PDE3A: variants seen among roughly 807,000 people sequenced by gnomAD.
The protein encoded by PDE3A is cGMP-inhibited 3',5'-cyclic phosphodiesterase 3A.
In PDE3A, 43 loss-of-function variants were observed where a neutral mutation model predicts 98.3. The ratio of observed to expected loss-of-function variants is 0.44; its 90% CI spans 0.34 to 0.56. The LOEUF (loss-of-function observed/expected upper bound fraction) is 0.56, where lower values mean the gene tolerates loss of function less well. Among genes scored for constraint, PDE3A ranks in the 20% least tolerant of loss-of-function variants. PDE3A has a pLI of 0.01. For synonymous variants in PDE3A, 663 were observed against 567.9 expected, an observed-to-expected ratio of 1.17 and a Z score of -2.38; for missense variants, 1,427 against 1,440.7, an observed-to-expected ratio of 0.99 and a Z score of 0.15.
intron 2 of PDE3A, among the ~76,000 whole-genome samples, chr12:20,576,944 T>G (rs1260876211): frequency 2.6e-5 from 4 of 151,248 alleles, no homozygotes; most frequent in Non-Finnish European, 5.9e-5. Context: ...TTTTTTAAAC[T>G]AAACCAGGTG....
At chr12:20,528,076 A>G (rs1436902418) in intron 1 of PDE3A, among the ~76,000 whole-genome samples, 10 of 152,122 alleles carry the variant, frequency 6.6e-5, no homozygotes, top group African/African-American at 2.4e-4. Context: ...AGGATGATTA[A>G]AGGGTACATA....
At position 20,683,119 on chromosome 12, in the gene PDE3A, A is replaced by G. The variant is rs1945839794; in HGVS notation, c.*2848A>G. On this transcript the variant is annotated 3_prime_UTR_variant, in exon 16 of 16. Transcript: ENST00000359062. Reference sequence around the variant, plus strand: ...TTTTCTTTAAAAATAAATTGCTATTACAGCTAGACGTCAATTGGGATAAAT... The same window carrying G: ...TTTTCTTTAAAAATAAATTGCTATTGCAGCTAGACGTCAATTGGGATAAAT... 1 of 152,216 alleles carries G rather than the reference A, an allele frequency of 6.6e-6. No homozygotes were observed. Among genetic ancestry groups the G allele is most frequent in the Admixed American group, 6.5e-5 (1 of 15,282 alleles). 9.4% of individuals were successfully genotyped at this position (152,216 alleles called of 1,614,324 possible).
chr12:20,463,855 C>T (rs955382630), intron 1 of PDE3A, among the ~76,000 whole-genome samples: 5 of 152,020 alleles, frequency 3.3e-5, no homozygotes. Context: ...TGTTTTGTGT[C>T]TGTGTGTTTG....
chr12:20,567,112 T>C (rs1260550034), intron 2 of PDE3A, among the ~76,000 whole-genome samples: 1 of 152,016 alleles, frequency 6.6e-6, no homozygotes, highest in Non-Finnish European at 1.5e-5. Flanking sequence ...AATAGTGAAT[T>C]TGCAGCAGCC....
rs1181084673 is a variant in PDE3A at position 20,681,393 on chromosome 12, T to C, written c.*1122T>C. 2.0e-5 allele frequency: 3 copies of C among 152,200 alleles called. No individual in the cohort carries two copies. The highest frequency in any genetic ancestry group is 4.4e-5 in the Non-Finnish European group (3 of 68,034). The allele number at this position is 152,200 out of a possible 1,614,324, so 9.4% of individuals were successfully genotyped here. A position where few individuals can be genotyped will look rare whatever the true frequency, so the allele number is the denominator to read the frequency against. On this transcript the variant is annotated 3_prime_UTR_variant, in exon 16 of 16. Transcript: ENST00000359062. Reference sequence around the variant, plus strand: ...CTTGGGAAATTGTACTTCAGCGTGATAGCCTGTGTCTTCTTAATTTGCTGC... The same window carrying C: ...CTTGGGAAATTGTACTTCAGCGTGACAGCCTGTGTCTTCTTAATTTGCTGC...
intron 2 of PDE3A, among the ~76,000 whole-genome samples, chr12:20,606,130 T>C (rs1018537294): frequency 6.6e-6 from 1 of 152,208 alleles, no homozygotes; most frequent in Non-Finnish European, 1.5e-5. Context: ...ATGTTGACCC[T>C]ACCATTTCTC....
intron 1 of PDE3A, among the ~76,000 whole-genome samples, chr12:20,530,620 A>C (rs1166647580): frequency 6.6e-6 from 1 of 151,978 alleles, no homozygotes; most frequent in Non-Finnish European, 1.5e-5. Context: ...GGTGTATGCC[A>C]TCACGCCTAG....
At chr12:20,505,476 T>C (rs1441574135) in intron 1 of PDE3A, among the ~76,000 whole-genome samples, 1 of 152,104 alleles carries the variant, frequency 6.6e-6, no homozygotes, top group Admixed American at 6.6e-5. Context: ...TTTTAGGTCC[T>C]CTCAAGGGGG....
chr12:20,572,197 A>G (rs1361993882), intron 2 of PDE3A: 2 of 1,059,416 alleles, frequency 1.9e-6, no homozygotes, highest in Non-Finnish European at 2.5e-6. Flanking sequence ...TTGTTCTATA[A>G]TGATTTTCAA....
chr12:20,399,651 A>C (rs1565537085), intron 1 of PDE3A, among the ~76,000 whole-genome samples: 1 of 152,222 alleles, frequency 6.6e-6, no homozygotes, highest in Non-Finnish European at 1.5e-5. Context: ...GAAGCCTCTT[A>C]ACAAATAACA....
intron 12 of PDE3A, 63 bp from the exon 13 acceptor site, chr12:20,648,625 T>C: frequency 9.7e-7 from 1 of 1,033,350 alleles, no homozygotes; most frequent in Non-Finnish European, 1.5e-6. Flanking sequence ...GCATTGCATA[T>C]TCTCATGATT....
chr12:20,483,466 G>GA (rs1289967473), intron 1 of PDE3A, among the ~76,000 whole-genome samples: 2 of 152,030 alleles, frequency 1.3e-5, no homozygotes, highest in African/African-American at 4.8e-5. Flanking sequence ...CAAATGAGAA[G>GA]AAAAAAATCA....
chr12:20,525,122 ACT>A (rs1203550060), intron 1 of PDE3A, among the ~76,000 whole-genome samples: 1 of 151,902 alleles, frequency 6.6e-6, no homozygotes, highest in East Asian at 1.9e-4. Flanking sequence ...CAAGAGTGAA[ACT>A]CTGTCTCCAA....
rs1039860848 is a variant in PDE3A at position 20,369,052 on chromosome 12, T to C, written c.-233T>C. On this transcript the variant is annotated 5_prime_UTR_variant, in exon 1 of 16. Transcript: ENST00000359062. ...CCCGTGCTTGTTTTCAACTTGAGCGTGCTAGCCTTTAACTTGAAGAAGTCT... is the reference window on the plus strand; with the variant it reads ...CCCGTGCTTGTTTTCAACTTGAGCGCGCTAGCCTTTAACTTGAAGAAGTCT... 1.3e-5 allele frequency among the ~76,000 whole-genome samples: 2 copies of C among 152,230 alleles called. No homozygotes were observed. The highest frequency in any genetic ancestry group is 4.8e-5 in the African/African-American group (2 of 41,470).
intron 3 of PDE3A, among the ~76,000 whole-genome samples, 199 bp downstream of exon 3, chr12:20,613,899 G>T (rs187394289): frequency 1.3e-5 from 2 of 152,190 alleles, no homozygotes; most frequent in East Asian, 3.9e-4. Context: ...TCTATACATA[G>T]AAAATTTATC....
At chr12:20,654,792 G>A (rs1945005245) in intron 15 of PDE3A, among the ~76,000 whole-genome samples, 3 of 151,452 alleles carry the variant, frequency 2.0e-5, no homozygotes, top group East Asian at 1.9e-4. Context: ...GATTACAGGC[G>A]TGAGCCACCG....
At chr12:20,649,424 T>A (rs1372548876) in intron 13 of PDE3A, among the ~76,000 whole-genome samples, 4 of 152,210 alleles carry the variant, frequency 2.6e-5, no homozygotes, top group Non-Finnish European at 5.9e-5. Flanking sequence ...CTATAGATTC[T>A]ACTCTGTGCT....
intron 1 of PDE3A, chr12:20,449,535 C>T (rs1945024610): frequency 8.4e-6 from 2 of 237,970 alleles, no homozygotes; most frequent in Non-Finnish European, 1.7e-5. Context: ...AAGTGGTAGG[C>T]GGTGGCACGT....
chr12:20,578,275 C>G (rs999038324), intron 2 of PDE3A, among the ~76,000 whole-genome samples: 4 of 152,010 alleles, frequency 2.6e-5, no homozygotes, highest in Admixed American at 2.6e-4. Flanking sequence ...TAAACAGACC[C>G]CAGTTCTCAA....
Sources: allele counts gnomAD v4.1 joint callset (sites outside exome capture counted in the v4.1 genomes callset), GRCh38; gene constraint gnomAD v4.1.1; transcripts MANE v1.5; gene names NCBI Gene and HGNC (gene_info 2026-07-23, HGNC 2026-07-21).